Variants in CSMD2 observed in about 807,000 individuals in gnomAD.
CSMD2 encodes CUB and Sushi multiple domains 2.
A neutral mutation model predicts 398.5 loss-of-function variants in CSMD2; 130 were observed. The ratio of observed to expected loss-of-function variants is 0.33; its 90% CI spans 0.28 to 0.38. CSMD2 has a LOEUF of 0.38. CSMD2 is among the 10% of genes least tolerant of loss of function. The probability of loss-of-function intolerance (pLI) is 1.00; values close to 1 mark genes in which losing one functional copy is unlikely to be tolerated. For synonymous variants in CSMD2, 1,828 were observed against 1,908.5 expected, an observed-to-expected ratio of 0.96 and a Z score of 1.10; for missense variants, 3,829 against 4,764.9, an observed-to-expected ratio of 0.80 and a Z score of 5.78.
intron 55 of CSMD2, among the ~76,000 whole-genome samples, 174 bp from the exon 56 acceptor site, chr1:33,550,524 C>T (rs1231205086): frequency 6.6e-6 from 1 of 152,258 alleles, no homozygotes; most frequent in Non-Finnish European, 1.5e-5. Flanking sequence ...AATGTCCACT[C>T]AGGGGACAGT....
intron 14 of CSMD2, among the ~76,000 whole-genome samples, chr1:33,742,588 C>A (rs1028183183): frequency 1.4e-4 from 20 of 143,234 alleles, no homozygotes; most frequent in South Asian, 2.5e-4. Flanking sequence ...CCCCCCCCCC[C>A]CCAACCCCCT....
intron 3 of CSMD2, among the ~76,000 whole-genome samples, chr1:33,959,236 G>A (rs758836390): frequency 6.6e-6 from 1 of 152,162 alleles, no homozygotes; most frequent in African/African-American, 2.4e-5. Flanking sequence ...GTGGTGACAC[G>A]TGTGACACTG....
intron 1 of CSMD2, among the ~76,000 whole-genome samples, chr1:34,157,764 G>C (rs556026572): frequency 6.6e-6 from 1 of 151,656 alleles, no homozygotes; most frequent in South Asian, 2.1e-4. Flanking sequence ...ACCCACCTTT[G>C]ATCCTACCCA....
rs10914864 is a variant in CSMD2, at chr1:34,114,211, A to G, written c.188-25018T>C. Among the ~76,000 whole-genome samples, 269 of 152,262 alleles carry G rather than the reference A, an allele frequency of 1.8e-3. 1 individual carries two copies. Among genetic ancestry groups the G allele is most frequent in the African/African-American group, 6.1e-3 (253 of 41,560 alleles). On this transcript the variant is annotated intron_variant, in intron 1 of 70. Coordinates refer to ENST00000373381, the MANE Select transcript of CSMD2 (RefSeq NM_001281956.2). ...ACACATGCAAGCTCAGAGAATATAT[A>G]TCCCAAGGAAAGCCCCCAGAACCTC... is the stretch of plus-strand genomic sequence containing the variant.
At chr1:33,862,803 A>T (rs1639641703) in intron 5 of CSMD2, 1 of 152,200 alleles carries the variant, frequency 6.6e-6, no homozygotes, top group African/African-American at 2.4e-5. Flanking sequence ...GCCACCTTGC[A>T]GCAGAGCTGG....
chr1:34,156,988 C>T (rs749232739), intron 1 of CSMD2, among the ~76,000 whole-genome samples: 1 of 152,192 alleles, frequency 6.6e-6, no homozygotes, highest in Non-Finnish European at 1.5e-5. Context: ...AGTGGAGCCA[C>T]TGTGCTAGCT....
chr1:33,652,172 T>G, intron 28 of CSMD2, 151 bp downstream of exon 28: 1 of 747,966 alleles, frequency 1.3e-6, no homozygotes, highest in East Asian at 2.5e-5. Flanking sequence ...AGATGTTCAA[T>G]AAATGCTAGT....
chr1:34,024,908 T>C (rs959980301), intron 3 of CSMD2, among the ~76,000 whole-genome samples: 1 of 152,226 alleles, frequency 6.6e-6, no homozygotes, highest in Non-Finnish European at 1.5e-5. Flanking sequence ...TCTGAGAGGC[T>C]GAGGCCGAGA....
At chr1:33,911,970 G>A (rs776364898) in intron 5 of CSMD2, among the ~76,000 whole-genome samples, 1 of 152,196 alleles carries the variant, frequency 6.6e-6, no homozygotes, top group African/African-American at 2.4e-5. Flanking sequence ...AGAAGAATGC[G>A]CTTCCCACCA....
At chr1:33,882,962 G>A (rs1641337537) in intron 5 of CSMD2, among the ~76,000 whole-genome samples, 1 of 152,146 alleles carries the variant, frequency 6.6e-6, no homozygotes, top group Admixed American at 6.5e-5. Flanking sequence ...GGCTTGAAAG[G>A]GATTCAGAGT....
At chr1:33,920,342 A>C (rs12070958) in intron 4 of CSMD2, among the ~76,000 whole-genome samples, 33,378 of 148,840 alleles carry the variant, frequency 0.22, 3,897 homozygotes, top group South Asian at 0.24. Context: ...CAGCTTGGCC[A>C]ACATGATGAA....
rs186450893 is a variant in CSMD2 at position 34,164,950 on chromosome 1, A to G, written c.148T>C (p.Leu50=). ...PPPTPPPLLL[L]LGCGLLSVSA... is the part of the protein sequence containing the mutation. Reference sequence around the variant, plus strand: ...ACGCTGAGCAACCCACAGCCCAGCAACAGCAGCAGAGGCGGCGGCGTTGGC... The same window carrying G: ...ACGCTGAGCAACCCACAGCCCAGCAGCAGCAGCAGAGGCGGCGGCGTTGGC... The change falls in exon 1 of 71, where the codon TTG becomes CTG. Residue 50 remains leucine, a synonymous_variant. Transcript: ENST00000373381. The surrounding 1 kb of genome is among the most constrained non-coding windows in gnomAD (Gnocchi z 6.2). 8,622 of 1,220,708 alleles carry G rather than the reference A, an allele frequency of 7.1e-3. 514 individuals are homozygous for G. The African/African-American group carries it at 0.12, about 17-fold the overall frequency. The allele number at this position is 1,220,708 out of a possible 1,614,324, so 75.6% of individuals were successfully genotyped here. A position where few individuals can be genotyped will look rare whatever the true frequency, so the allele number is the denominator to read the frequency against.
chr1:33,932,036 G>C (rs757321970), intron 4 of CSMD2, among the ~76,000 whole-genome samples: 1 of 152,158 alleles, frequency 6.6e-6, no homozygotes, highest in African/African-American at 2.4e-5. Flanking sequence ...CCGATGATGC[G>C]ATGTGAACAG....
chr1:33,649,999 G>A (rs1026088425), intron 28 of CSMD2, among the ~76,000 whole-genome samples: 1 of 152,174 alleles, frequency 6.6e-6, no homozygotes, highest in African/African-American at 2.4e-5. Flanking sequence ...CCATGGCTGG[G>A]TGACACGGTC....
chr1:33,985,096 C>A (rs894742938), intron 3 of CSMD2, among the ~76,000 whole-genome samples: 8 of 152,162 alleles, frequency 5.3e-5, no homozygotes, highest in African/African-American at 1.9e-4. Flanking sequence ...ATATTCAAGC[C>A]AAGTGTGTGC....
intron 13 of CSMD2, among the ~76,000 whole-genome samples, chr1:33,766,183 G>A (rs539424237): frequency 1.4e-4 from 22 of 152,242 alleles, no homozygotes; most frequent in African/African-American, 3.9e-4. Context: ...CAGTGTGGGC[G>A]CGCGTGTGTG....
intron 10 of CSMD2, among the ~76,000 whole-genome samples, chr1:33,807,262 A>T (rs1323095289): frequency 6.6e-6 from 1 of 152,206 alleles, no homozygotes; most frequent in East Asian, 1.9e-4. Context: ...GGGTAAGCAG[A>T]CATTTTAAGA....
chr1:34,110,413 T>C (rs1660957727), intron 1 of CSMD2, among the ~76,000 whole-genome samples: 1 of 152,060 alleles, frequency 6.6e-6, no homozygotes, highest in Non-Finnish European at 1.5e-5. Flanking sequence ...TGAAGCACTA[T>C]TCACAAGAGC....
chr1:34,040,265 C>A (rs926756118), intron 2 of CSMD2, among the ~76,000 whole-genome samples: 1 of 151,930 alleles, frequency 6.6e-6, no homozygotes, highest in Non-Finnish European at 1.5e-5. Context: ...CATCAGTTTG[C>A]ATATGAAAGG....
Sources: gnomAD v4.1 joint callset for allele counts (sites outside exome capture counted in the v4.1 genomes callset) on GRCh38, gnomAD v4.1.1 for gene constraint, Gnocchi (gnomAD v3.1) non-coding constraint, MANE v1.5 for transcripts, NCBI Gene and HGNC (gene_info 2026-07-23, HGNC 2026-07-21) for gene names.